Variants in ZNF804B observed in about 807,000 individuals in gnomAD.
The protein encoded by ZNF804B is zinc finger 804B.
In ZNF804B, 80 loss-of-function variants were observed where a neutral mutation model predicts 101.4. That is an observed-to-expected ratio of 0.79 (90% confidence interval 0.66 to 0.95). The LOEUF (loss-of-function observed/expected upper bound fraction) is 0.95, where lower values mean the gene tolerates loss of function less well. Among genes scored for constraint, ZNF804B ranks in the 40% least tolerant of loss-of-function variants. ZNF804B has a pLI of 0.00. For synonymous variants in ZNF804B, 622 were observed against 558.8 expected (o/e 1.11, Z -1.59); for missense variants, 1,673 against 1,561.9 (o/e 1.07, Z -1.20).
intron 1 of ZNF804B, among the ~76,000 whole-genome samples, chr7:88,945,621 G>A (rs1793117425): frequency 7.4e-6 from 1 of 135,412 alleles, no homozygotes; most frequent in Admixed American, 7.1e-5. Flanking sequence ...TTCTAATTCT[G>A]TGAAGAAAGT....
At chr7:89,213,441 A>G (rs1246785464) in intron 1 of ZNF804B, among the ~76,000 whole-genome samples, 1 of 152,242 alleles carries the variant, frequency 6.6e-6, no homozygotes, top group African/African-American at 2.4e-5. Flanking sequence ...ATTACCCATA[A>G]GGAGCTATGA....
At chr7:88,937,795 T>G (rs1392863802) in intron 1 of ZNF804B, among the ~76,000 whole-genome samples, 1 of 151,972 alleles carries the variant, frequency 6.6e-6, no homozygotes, top group African/African-American at 2.4e-5. Flanking sequence ...AATAGGATAG[T>G]CCAAAGCCCT....
intron 1 of ZNF804B, among the ~76,000 whole-genome samples, chr7:88,856,820 C>T (rs10231069): frequency 0.045 from 6,794 of 152,054 alleles, 438 homozygotes; most frequent in African/African-American, 0.14. Context: ...GTATGAAGGG[C>T]TGTTGAATTT....
chr7:88,903,063 C>A (rs918546241), intron 1 of ZNF804B, among the ~76,000 whole-genome samples: 1 of 151,824 alleles, frequency 6.6e-6, no homozygotes, highest in Non-Finnish European at 1.5e-5. Context: ...AAGCATAGTA[C>A]CCAATAGATA....
chr7:88,841,134 G>A (rs1267458691), intron 1 of ZNF804B, among the ~76,000 whole-genome samples: 1 of 152,166 alleles, frequency 6.6e-6, no homozygotes, highest in Non-Finnish European at 1.5e-5. Context: ...TCCAAAGAAA[G>A]ATATGGCCTT....
chr7:88,983,091 C>T (rs1390052096), intron 1 of ZNF804B, among the ~76,000 whole-genome samples: 1 of 152,036 alleles, frequency 6.6e-6, no homozygotes, highest in African/African-American at 2.4e-5. Flanking sequence ...GATTTTCAAC[C>T]TTAGGGATGC....
chr7:89,304,711 C>T (rs1382159771), intron 2 of ZNF804B, among the ~76,000 whole-genome samples: 1 of 151,886 alleles, frequency 6.6e-6, no homozygotes, highest in Non-Finnish European at 1.5e-5. Flanking sequence ...TCAGCTATGT[C>T]ATGGCAGTAT....
intron 1 of ZNF804B, 72 bp downstream of exon 1, chr7:88,760,156 T>C (rs948175571): frequency 4.0e-6 from 5 of 1,237,780 alleles, no homozygotes; most frequent in Non-Finnish European, 5.9e-6. Context: ...TATTGAGAGA[T>C]AGTATCCTGA....
At chr7:88,911,890 T>C (rs1404482419) in intron 1 of ZNF804B, among the ~76,000 whole-genome samples, 1 of 151,908 alleles carries the variant, frequency 6.6e-6, no homozygotes, top group Non-Finnish European at 1.5e-5. Flanking sequence ...ATATGTTATA[T>C]GTGTATATCT....
chr7:88,941,131 T>G (rs1338554816), intron 1 of ZNF804B, among the ~76,000 whole-genome samples: 1 of 151,976 alleles, frequency 6.6e-6, no homozygotes, highest in Non-Finnish European at 1.5e-5. Context: ...GCCAAAAATG[T>G]GGAGCAATAG....
intron 1 of ZNF804B, among the ~76,000 whole-genome samples, chr7:88,893,539 A>C (rs1792244187): frequency 6.6e-6 from 1 of 152,150 alleles, no homozygotes; most frequent in Admixed American, 6.5e-5. Flanking sequence ...ATCAAAAACC[A>C]TACAGTAGAA....
At chr7:88,877,660 G>A (rs549176901) in intron 1 of ZNF804B, among the ~76,000 whole-genome samples, 1 of 152,170 alleles carries the variant, frequency 6.6e-6, no homozygotes, top group African/African-American at 2.4e-5. Flanking sequence ...CATAATAATA[G>A]TGTCTACCTC....
chr7:89,124,996 C>T (rs1185502031), intron 1 of ZNF804B, among the ~76,000 whole-genome samples: 1 of 149,902 alleles, frequency 6.7e-6, no homozygotes, highest in Admixed American at 6.7e-5. Context: ...TTGACCGTCA[C>T]TCTCCTGAAG....
intron 1 of ZNF804B, chr7:88,793,963 C>A: frequency 2.5e-6 from 1 of 394,460 alleles, no homozygotes; most frequent in Non-Finnish European, 4.5e-6. Context: ...CTTATTAAAC[C>A]CATCTACCTA....
intron 1 of ZNF804B, among the ~76,000 whole-genome samples, chr7:89,196,411 A>G (rs1024141024): frequency 6.6e-6 from 1 of 152,194 alleles, no homozygotes; most frequent in Non-Finnish European, 1.5e-5. Context: ...GTGCTGGGAA[A>G]GCTGGCTAGC....
At chr7:89,321,147 A>C (rs527280501) in intron 2 of ZNF804B, among the ~76,000 whole-genome samples, 3 of 151,646 alleles carry the variant, frequency 2.0e-5, no homozygotes, top group Admixed American at 2.0e-4. Context: ...ATATTATTTT[A>C]AATGGATCAT....
At position 89,007,446 on chromosome 7, in the gene ZNF804B, T is replaced by TATATATATA. The variant is rs1788382638; in HGVS notation, c.109-210709_109-210708insATATATATA. Among the ~76,000 whole-genome samples, 317 of 57,196 alleles carry TATATATATA rather than the reference T, an allele frequency of 5.5e-3. 15 individuals carry two copies. Among genetic ancestry groups the TATATATATA allele is most frequent in the African/African-American group, 0.011 (166 of 15,590 alleles). 37.5% of individuals were successfully genotyped at this position (57,196 alleles called of 152,430 possible). On this transcript the variant is annotated intron_variant, in intron 1 of 3. Transcript: ENST00000333190. ...ATGTTATCTAAAGTTATCCATGATT[T>TATATATATA]TATATATATATATATATATATATAT... is the stretch of plus-strand genomic sequence containing the variant.
chr7:89,283,525 C>T (rs557204682), intron 2 of ZNF804B, among the ~76,000 whole-genome samples: 10 of 152,112 alleles, frequency 6.6e-5, no homozygotes, highest in Non-Finnish European at 1.5e-4. Context: ...AAGAACCTGT[C>T]TATATAATCT....
intron 2 of ZNF804B, among the ~76,000 whole-genome samples, chr7:89,294,648 G>C (rs1017857808): frequency 1.3e-5 from 2 of 151,306 alleles, no homozygotes; most frequent in Non-Finnish European, 2.9e-5. Flanking sequence ...TTAATTCTTT[G>C]ATAATTATTT....
Sources: allele counts gnomAD v4.1 joint callset (sites outside exome capture counted in the v4.1 genomes callset), GRCh38; gene constraint gnomAD v4.1.1; transcripts MANE v1.5; gene names NCBI Gene and HGNC (gene_info 2026-07-23, HGNC 2026-07-21).